UTP18: variants seen among roughly 807,000 people sequenced by gnomAD.
UTP18 encodes the protein U3 small nucleolar RNA-associated protein 18 homolog.
Under a neutral mutation model 61.1 loss-of-function variants are expected in UTP18, and 36 were observed. The ratio of observed to expected loss-of-function variants is 0.59; its 90% CI spans 0.45 to 0.78. The LOEUF (loss-of-function observed/expected upper bound fraction) is 0.78. Ranked by LOEUF, UTP18 falls within the 30% of genes least tolerant of loss-of-function variation. The pLI is 0.00. For synonymous variants in UTP18, 282 were observed against 251.1 expected, an observed-to-expected ratio of 1.12 and a Z score of -1.16; for missense variants, 753 against 693.9, an observed-to-expected ratio of 1.09 and a Z score of -0.96.
intron 11 of UTP18, 72 bp from the exon 12 acceptor site, chr17:51,293,831 A>T: frequency 7.9e-7 from 1 of 1,271,868 alleles, no homozygotes; most frequent in Admixed American, 2.7e-5. Flanking sequence ...AGGAAGATAG[A>T]GTGAAGATTA....
chr17:51,293,795 A>C, intron 11 of UTP18, 108 bp from the exon 12 acceptor site: 1 of 988,094 alleles, frequency 1.0e-6, no homozygotes, highest in Non-Finnish European at 1.4e-6. Flanking sequence ...TGTGTGCTAC[A>C]ATCAAAATGA....
chr17:51,297,569 C>A (rs1317513625), intron 13 of UTP18, among the ~76,000 whole-genome samples: 1 of 152,154 alleles, frequency 6.6e-6, no homozygotes, highest in African/African-American at 2.4e-5. Flanking sequence ...TTGGTCTCCT[C>A]AGAGATTAAT....
rs2055432212 is a variant in UTP18, at chr17:51,260,736, C to T, written c.152C>T (p.Pro51Leu). The T allele has an allele frequency of 6.3e-7, 1 of 1,589,328 alleles. No individual in the cohort carries two copies. Among genetic ancestry groups the T allele is most frequent in the Non-Finnish European group, 8.6e-7 (1 of 1,168,852 alleles). ...GCCCCTTCATCCCAGCGGAAACCGC[C>T]GGCCCGGCCGAGCGCGGCGGCCGCT... ...KPAPSSQRKP[P>L]ARPSAAAAAI... The change falls in exon 1 of 14, where the codon CCG becomes CTG. Residue 51 changes from proline (P) to leucine (L), a missense_variant. Pro to Leu is a moderately conservative substitution (Grantham distance 98). Coordinates refer to ENST00000225298, the MANE Select transcript of UTP18 (RefSeq NM_016001.3).
Position 51,268,882 on chromosome 17 carries a change from T to C in UTP18, c.600T>C (p.Thr200=), listed in dbSNP as rs1027756697. 3 of 1,613,890 alleles carry C rather than the reference T, an allele frequency of 1.9e-6. No homozygotes were observed. In the African/African-American group the frequency reaches 4.0e-5, roughly 22 times the overall value. The change falls in exon 4 of 14, where the codon ACT becomes ACC. Residue 200 remains threonine, a synonymous_variant. Transcript: ENST00000225298. ...MGGVPAWAET[T]KRKTSSDDES... ...GAGTACCTGCCTGGGCAGAGACTAC[T>C]AAGCGGAAAACATCTTCAGATGGTG...
intron 11 of UTP18, among the ~76,000 whole-genome samples, chr17:51,291,121 C>T (rs926243083): frequency 6.6e-6 from 1 of 152,190 alleles, no homozygotes; most frequent in Non-Finnish European, 1.5e-5. Context: ...AAGCTGGCTG[C>T]GGTGGCTCAC....
chr17:51,289,709 C>G (rs909784116), intron 11 of UTP18, among the ~76,000 whole-genome samples: 6 of 152,198 alleles, frequency 3.9e-5, no homozygotes, highest in Non-Finnish European at 7.3e-5. Flanking sequence ...ATTATGTTTG[C>G]TGCTATGTGT....
chr17:51,297,406 A>G (rs1905395018), intron 13 of UTP18, among the ~76,000 whole-genome samples: 1 of 152,178 alleles, frequency 6.6e-6, no homozygotes, highest in Admixed American at 6.5e-5. Context: ...GCTCTGTTTC[A>G]CAGAGCTAGA....
In UTP18 at chr17:51,288,021, C is replaced by A; in HGVS notation, c.1329-8C>A. 6.4e-7 allele frequency: 1 copy of A among 1,558,632 alleles called. No individual in the cohort carries two copies. ...TTTTAATCTATTTTAATCCTTTTCT[C>A]TTTGTAGTTCTAATTGTGGAGTGGT... On this transcript the variant is annotated splice_region_variant and splice_polypyrimidine_tract_variant and intron_variant, in intron 10 of 13. Transcript: ENST00000225298.
At chr17:51,295,919 C>T (rs1276591393) in intron 12 of UTP18, among the ~76,000 whole-genome samples, 2 of 152,148 alleles carry the variant, frequency 1.3e-5, no homozygotes, top group African/African-American at 2.4e-5. Context: ...AATAATATTT[C>T]CACTTTCTTC....
intron 6 of UTP18, 105 bp downstream of exon 6, chr17:51,276,096 T>A: frequency 8.7e-7 from 1 of 1,149,600 alleles, no homozygotes; most frequent in South Asian, 1.7e-5. Flanking sequence ...TATTCATAGC[T>A]AAAACATCAT....
At chr17:51,260,994 G>A in intron 1 of UTP18, 68 bp downstream of exon 1, 1 of 1,333,222 alleles carries the variant, frequency 7.5e-7, no homozygotes, top group Non-Finnish European at 9.7e-7. Context: ...GTGAAGCTCC[G>A]GGGGGCGGAG....
chr17:51,281,164 A>T (rs57164982), intron 9 of UTP18, among the ~76,000 whole-genome samples: 66,474 of 140,316 alleles, frequency 0.47, 16,072 homozygotes, highest in Admixed American at 0.52. Context: ...ATATATATAT[A>T]TTTTTTTTAA....
intron 8 of UTP18, 140 bp from the exon 9 acceptor site, chr17:51,280,249 T>G: frequency 7.8e-7 from 1 of 1,284,782 alleles, no homozygotes; most frequent in Non-Finnish European, 1.1e-6. Flanking sequence ...TGTGGGCAGT[T>G]GGGGGAGAGC....
rs1904704876 is a variant in UTP18 at position 51,275,898 on chromosome 17, T to A, written c.744T>A (p.Arg248=). 6.2e-7 allele frequency: 1 copy of A among 1,610,804 alleles called. No homozygotes were observed. Among genetic ancestry groups the A allele is most frequent in the Non-Finnish European group, 8.5e-7 (1 of 1,179,020 alleles). ...MKNCQHANAE[R]PTVARISSVQ... The stretch of plus-strand genomic sequence containing the variant: ...ACTGCCAGCATGCGAATGCTGAACG[T>A]CCTACTGTTGCTCGGATCTCATCTG... The change falls in exon 6 of 14, where the codon CGT becomes CGA. Residue 248 remains arginine (R), a synonymous_variant. Coordinates refer to ENST00000225298, the MANE Select transcript of UTP18 (RefSeq NM_016001.3).
intron 12 of UTP18, 107 bp from the exon 13 acceptor site, chr17:51,296,858 A>T: frequency 9.8e-7 from 1 of 1,017,656 alleles, no homozygotes; most frequent in Non-Finnish European, 1.5e-6. Context: ...GATTGTGATT[A>T]CATATTTTTC....
rs1904708056 is a variant in UTP18, at chr17:51,275,949, T to A, written c.795T>A (p.Ile265=). 1 of 1,612,724 alleles carries A rather than the reference T, an allele frequency of 6.2e-7. No individual in the cohort carries two copies. Among genetic ancestry groups the A allele is most frequent in the Non-Finnish European group, 8.5e-7 (1 of 1,179,554 alleles). Residue 265 remains isoleucine (I), a synonymous_variant, in exon 6 of 14, where the codon ATT becomes ATA. Transcript: ENST00000225298. ...SSVQFHPGAQ[I]VMVAGLDNAV... The stretch of plus-strand genomic sequence containing the variant: ...TGCAGTTCCATCCCGGTGCACAGAT[T>A]GTGATGGTTGCTGGATTAGATAATG...
intron 5 of UTP18, among the ~76,000 whole-genome samples, chr17:51,273,676 C>T (rs1014072939): frequency 6.7e-6 from 1 of 150,064 alleles, no homozygotes; most frequent in African/African-American, 2.5e-5. Flanking sequence ...TTTGAAGCTA[C>T]GGTGAGCTGT....
intron 11 of UTP18, chr17:51,288,520 A>T (rs984975235): frequency 2.1e-6 from 1 of 466,510 alleles, no homozygotes; most frequent in Non-Finnish European, 4.3e-6. Flanking sequence ...TTCCTTCACA[A>T]TTTTCTTTCC....
Position 51,260,822 on chromosome 17 carries a change from C to T in UTP18, c.238C>T (p.Leu80=), listed in dbSNP as rs754340223. 9.4e-6 allele frequency: 15 copies of T among 1,594,762 alleles called. No individual in the cohort carries two copies. Among genetic ancestry groups the T allele is most frequent in the East Asian group, 2.3e-5 (1 of 43,882 alleles). Reference sequence around the variant, plus strand: ...GCTCCGGCAGCGGAACCGCCTGAGGCTGGAGGAGGACAAACCGGCCGTGGA... The same window carrying T: ...GCTCCGGCAGCGGAACCGCCTGAGGTTGGAGGAGGACAAACCGGCCGTGGA... ...RRLRQRNRLR[L]EEDKPAVERC... Residue 80 remains leucine, a synonymous_variant, in exon 1 of 14, where the codon CTG becomes TTG. Transcript: ENST00000225298.
Sources: allele counts gnomAD v4.1 joint callset (sites outside exome capture counted in the v4.1 genomes callset), GRCh38; gene constraint gnomAD v4.1.1; transcripts MANE v1.5; gene names NCBI Gene and HGNC (gene_info 2026-07-23, HGNC 2026-07-21).